Variants in FRMPD2 observed in about 807,000 individuals in gnomAD.
FRMPD2 encodes the protein FERM and PDZ domain-containing protein 2.
Under a neutral mutation model 140.1 loss-of-function variants are expected in FRMPD2, and 96 were observed. That is an observed-to-expected ratio of 0.69 (90% confidence interval 0.58 to 0.81). The LOEUF is 0.81. Among genes scored for constraint, FRMPD2 ranks in the 40% least tolerant of loss-of-function variants. The pLI, the probability that FRMPD2 is intolerant of heterozygous loss-of-function variation, is 0.00. For missense variants in FRMPD2, 1,240 were observed against 1,447.4 expected, an observed-to-expected ratio of 0.86 and a Z score of 2.32; for synonymous variants, 449 against 547.6, an observed-to-expected ratio of 0.82 and a Z score of 2.52.
rs760510568 is a variant in FRMPD2, at chr10:48,206,746, A to C, written c.1797+2T>G. 1 of 1,612,860 alleles carries C rather than the reference A, an allele frequency of 6.2e-7. No homozygotes were observed. ...GTTATTTATCAACTGAGCTACACTC[A>C]CATAAGTAGAAATCTTCCCGGTTTC... On this transcript the variant is annotated splice_donor_variant, in intron 14 of 28. Coordinates refer to ENST00000374201, the MANE Select transcript of FRMPD2 (RefSeq NM_001018071.4). LOFTEE classifies it high-confidence loss of function.
chr10:48,192,871 C>T lies in FRMPD2; in HGVS notation c.1978G>A (p.Ala660Thr), dbSNP rs1353449941. 1.2e-6 allele frequency: 2 copies of T among 1,613,790 alleles called. No homozygotes were observed. The highest frequency in any genetic ancestry group is 1.7e-6 in the Non-Finnish European group (2 of 1,179,920). Residue 660 changes from alanine to threonine, a missense_variant, in exon 16 of 29, where the codon GCC (alanine) becomes ACC (threonine). Coordinates refer to ENST00000374201, the MANE Select transcript of FRMPD2 (RefSeq NM_001018071.4). ...GCCTGGTGTGCAGGACTCAAATTGG[C>T]CATTTGCACAAACTTATCATGGTCT... ...LFDHDKFVQM[A>T]NLSPAHQARS... is the part of the protein sequence containing the mutation.
At chr10:48,217,053 A>G (rs1380092146) in intron 12 of FRMPD2, among the ~76,000 whole-genome samples, 1 of 152,224 alleles carries the variant, frequency 6.6e-6, no homozygotes, top group Non-Finnish European at 1.5e-5. Flanking sequence ...TCAGGGGCAG[A>G]AAGTGAAGTT....
chr10:48,206,870 GCCT>G lies in FRMPD2; in HGVS notation c.1672_1674del (p.Arg558del). On this transcript the variant is annotated inframe_deletion, in exon 14 of 29. Coordinates refer to ENST00000374201, the MANE Select transcript of FRMPD2 (RefSeq NM_001018071.4). ...ATCCCCAGGGCCATCTCCTCTTCTG[GCCT>G]CCTCTTCTCTGAGAATACTTGGTGA... 1 of 1,614,010 alleles carries G rather than the reference GCCT, an allele frequency of 6.2e-7. No individual in the cohort carries two copies. Among genetic ancestry groups the G allele is most frequent in the Non-Finnish European group, 8.5e-7 (1 of 1,179,934 alleles).
At chr10:48,262,173 A>C (rs1840603302) in intron 1 of FRMPD2, among the ~76,000 whole-genome samples, 1 of 152,198 alleles carries the variant, frequency 6.6e-6, no homozygotes, top group Admixed American at 6.5e-5. Flanking sequence ...CTGACAGAGT[A>C]GATTAAAAAA....
At chr10:48,191,568 G>T (rs1204481397) in intron 16 of FRMPD2, among the ~76,000 whole-genome samples, 1 of 152,096 alleles carries the variant, frequency 6.6e-6, no homozygotes, top group African/African-American at 2.4e-5. Flanking sequence ...CAACAGAATT[G>T]GGGGCAATAA....
intron 1 of FRMPD2, 33 bp downstream of exon 1, chr10:48,274,510 T>A (rs2131996475): frequency 1.2e-6 from 2 of 1,610,326 alleles, no homozygotes; most frequent in Non-Finnish European, 1.7e-6. Flanking sequence ...TGACCAGATT[T>A]ATAGGAGAAA....
intron 15 of FRMPD2, among the ~76,000 whole-genome samples, chr10:48,200,518 G>C (rs1839060984): frequency 6.6e-6 from 1 of 152,216 alleles, no homozygotes; most frequent in African/African-American, 2.4e-5. Context: ...TACCAAGGTT[G>C]TGCCTTCTGG....
rs1564438341 is a variant in FRMPD2 at position 48,244,860 on chromosome 10, G to GA, written c.310-12dup. 1.9e-6 allele frequency: 3 copies of GA among 1,592,104 alleles called. No individual in the cohort carries two copies. Among genetic ancestry groups the GA allele is most frequent in the Non-Finnish European group, 1.7e-6 (2 of 1,160,016 alleles). On this transcript the variant is annotated splice_polypyrimidine_tract_variant and intron_variant, in intron 3 of 28. Coordinates refer to ENST00000374201, the MANE Select transcript of FRMPD2 (RefSeq NM_001018071.4). ...AGAATAGACATGCATCTGCCCAAAAGAAGAGTACATGATTAGATTTCAATC... is the reference window on the plus strand; with the variant it reads ...AGAATAGACATGCATCTGCCCAAAAGAAAGAGTACATGATTAGATTTCAATC...
chr10:48,252,503 G>A (rs144820510), intron 1 of FRMPD2, among the ~76,000 whole-genome samples: 42 of 152,166 alleles, frequency 2.8e-4, no homozygotes, highest in African/African-American at 7.2e-4. Context: ...GTGCAGTGTC[G>A]GGCGCTAGAT....
intron 20 of FRMPD2, among the ~76,000 whole-genome samples, chr10:48,183,106 A>C (rs985706473): frequency 1.3e-5 from 2 of 152,230 alleles, no homozygotes; most frequent in Non-Finnish European, 2.9e-5. Flanking sequence ...GTACAGGTAC[A>C]AGAGTGAGAG....
intron 28 of FRMPD2, 89 bp from the exon 29 acceptor site, chr10:48,157,459 T>C: frequency 1.1e-6 from 1 of 916,774 alleles, no homozygotes; most frequent in South Asian, 1.3e-5. Flanking sequence ...GTTGGCTTTA[T>C]TATGTGCTGC....
chr10:48,226,371 T>C (rs1391394851), intron 10 of FRMPD2, among the ~76,000 whole-genome samples: 2 of 152,206 alleles, frequency 1.3e-5, no homozygotes, highest in African/African-American at 4.8e-5. Context: ...CTCCTCTTTT[T>C]TCCAAACTGC....
chr10:48,251,465 AGAGGTT>A, intron 2 of FRMPD2, 95 bp downstream of exon 2: 1 of 1,434,330 alleles, frequency 7.0e-7, no homozygotes, highest in South Asian at 1.3e-5. Flanking sequence ...CTGTGCTCTC[AGAGGTT>A]GATTTAAAAA....
chr10:48,192,203 A>G (rs1838845029), intron 16 of FRMPD2, among the ~76,000 whole-genome samples: 1 of 152,238 alleles, frequency 6.6e-6, no homozygotes, highest in South Asian at 2.1e-4. Context: ...GACTTAGCCC[A>G]TAGATGGCCT....
At chr10:48,158,750 G>A in intron 28 of FRMPD2, 1 of 246,630 alleles carries the variant, frequency 4.1e-6, no homozygotes, top group Non-Finnish European at 7.8e-6. Flanking sequence ...ATTTCACGTG[G>A]GCTTCCTGGC....
Position 48,175,217 on chromosome 10 carries a change from A to G in FRMPD2, c.2990-262T>C, listed in dbSNP as rs1310584576. On this transcript the variant is annotated intron_variant, in intron 23 of 28. Coordinates refer to ENST00000374201, the MANE Select transcript of FRMPD2 (RefSeq NM_001018071.4). The stretch of plus-strand genomic sequence containing the variant: ...CAGAATGGTTGAGCCAGCTCTGTTC[A>G]ACCTTATCCTTCCTCCTGTTTTCCT... The G allele has an allele frequency of 2.5e-4, 158 of 622,472 alleles. No homozygotes were observed. The African/African-American group carries it at 2.7e-3, about 11-fold the overall frequency. 38.6% of individuals were successfully genotyped at this position (622,472 alleles called of 1,614,324 possible). A position where few individuals can be genotyped will look rare whatever the true frequency, so the allele number is the denominator to read the frequency against.
intron 6 of FRMPD2, among the ~76,000 whole-genome samples, chr10:48,239,950 AT>A (rs1341983927): frequency 3.3e-5 from 5 of 152,174 alleles, no homozygotes; most frequent in Non-Finnish European, 2.9e-5. Context: ...AATAACATTA[AT>A]TTTTTTAAAA....
rs376952169 is a variant in FRMPD2 at position 48,251,627 on chromosome 10, C to T, written c.90G>A (p.Glu30=). ...GGAACAGGAGGGACCAGATTTCCTC[C>T]TCAGACAGAGCTTCACCCCTGACCT... ...ALQVRGEALS[E]EEIWSLLFLA... The change falls in exon 2 of 29, where the codon GAG becomes GAA. Residue 30 remains glutamate, a synonymous_variant. Coordinates refer to ENST00000374201, the MANE Select transcript of FRMPD2 (RefSeq NM_001018071.4). The T allele has an allele frequency of 6.2e-7, 1 of 1,614,258 alleles. No individual in the cohort carries two copies. The highest frequency in any genetic ancestry group is 8.5e-7 in the Non-Finnish European group (1 of 1,180,042).
At position 48,239,636 on chromosome 10, in the gene FRMPD2, T is replaced by C. The variant is rs778661015; in HGVS notation, c.757A>G (p.Thr253Ala). The stretch of plus-strand genomic sequence containing the variant: ...ACAAGGAGGCTGCAGTGACTGTGTG[T>C]CAAGGTGCTCCAATGGGGCTCTGGT... ...SSPEPHWSTLTHSHCSLLVNR... is the reference protein window; with the variant it reads ...SSPEPHWSTLAHSHCSLLVNR... The change falls in exon 7 of 29, where the codon ACA becomes GCA. Residue 253 changes from threonine (T) to alanine (A), a missense_variant. By Grantham distance (58) the Thr-to-Ala change is moderately conservative (BLOSUM62 0). Around this residue, in one of 6 missense-constraint regions of FRMPD2, gnomAD observed 1,161 missense variants for 1,055.9 expected, o/e 1.10. Coordinates refer to ENST00000374201, the MANE Select transcript of FRMPD2 (RefSeq NM_001018071.4). 6.2e-7 allele frequency: 1 copy of C among 1,614,168 alleles called. No homozygotes were observed. Among genetic ancestry groups the C allele is most frequent in the Non-Finnish European group, 8.5e-7 (1 of 1,180,004 alleles).
Sources: gnomAD v4.1 joint callset for allele counts (sites outside exome capture counted in the v4.1 genomes callset) on GRCh38, gnomAD v4.1.1 for gene constraint, gnomAD v4.1.1 regional missense constraint, MANE v1.5 for transcripts, NCBI Gene and HGNC (gene_info 2026-07-23, HGNC 2026-07-21) for gene names.